OSBPL9: variants seen among roughly 807,000 people sequenced by gnomAD.
OSBPL9 encodes the protein oxysterol-binding protein-related protein 9.
A neutral mutation model predicts 106.6 loss-of-function variants in OSBPL9; 40 were observed. That is an observed-to-expected ratio of 0.38 (90% CI 0.29 to 0.49). The LOEUF (loss-of-function observed/expected upper bound fraction) is 0.49. Among genes scored for constraint, OSBPL9 ranks in the 20% least tolerant of loss-of-function variants. The pLI is 0.97. For missense variants in OSBPL9, 609 were observed against 887.2 expected, an observed-to-expected ratio of 0.69 and a Z score of 3.98; for synonymous variants, 269 against 295.4, an observed-to-expected ratio of 0.91 and a Z score of 0.92.
intron 4 of OSBPL9, among the ~76,000 whole-genome samples, chr1:51,739,636 G>A (rs1159988178): frequency 6.6e-6 from 1 of 151,960 alleles, no homozygotes; most frequent in Non-Finnish European, 1.5e-5. Flanking sequence ...TTTTTTAATT[G>A]ATGATCTTCA....
At chr1:51,770,351 C>G (rs547522671) in intron 12 of OSBPL9, among the ~76,000 whole-genome samples, 53 of 152,240 alleles carry the variant, frequency 3.5e-4, no homozygotes, top group African/African-American at 1.3e-3. Context: ...CCATGTTAAC[C>G]AGGCTGGTCT....
chr1:51,567,583 C>T, the OSBPL9 span: 1 of 152,220 alleles, frequency 6.6e-6, no homozygotes, highest in Non-Finnish European at 1.5e-5. Context: ...TTTGGATCAA[C>T]TGCTCCTTGA....
At chr1:51,543,824 T>C in the OSBPL9 span, among the ~76,000 whole-genome samples, 1 of 152,232 alleles carries the variant, frequency 6.6e-6, no homozygotes, top group Non-Finnish European at 1.5e-5. Context: ...GTTAGCTGCC[T>C]CAGCACTGTA....
At chr1:51,687,337 TAAC>T (rs1229644104) in intron 3 of OSBPL9, among the ~76,000 whole-genome samples, 1 of 152,212 alleles carries the variant, frequency 6.6e-6, no homozygotes, top group Non-Finnish European at 1.5e-5. Flanking sequence ...TTAATTCTTT[TAAC>T]AACCCAAAAG....
intron 4 of OSBPL9, among the ~76,000 whole-genome samples, chr1:51,736,139 G>A (rs1665644226): frequency 1.3e-5 from 2 of 152,118 alleles, no homozygotes; most frequent in Non-Finnish European, 2.9e-5. Flanking sequence ...CCAAACACTA[G>A]CCCGGTGGAG....
chr1:51,618,865 T>C (rs1309928916), intron 1 of OSBPL9, among the ~76,000 whole-genome samples: 2 of 152,216 alleles, frequency 1.3e-5, no homozygotes, highest in African/African-American at 4.8e-5. Context: ...ATTATTGACT[T>C]TTTCTACTAA....
the OSBPL9 span, among the ~76,000 whole-genome samples, chr1:51,529,627 A>G: frequency 6.6e-6 from 1 of 151,784 alleles, no homozygotes; most frequent in African/African-American, 2.4e-5. Flanking sequence ...GTTCAAACTA[A>G]CTCTATACAT....
rs555266377 is a variant in OSBPL9, at chr1:51,627,794, T to C, written c.111+10573T>C. 5.3e-5 allele frequency among the ~76,000 whole-genome samples: 8 copies of C among 152,334 alleles called. No homozygotes were observed. The South Asian group carries it at 1.7e-3, about 32-fold the overall frequency. ...ATTTGTGTATTGAAATGCCTGTCTC[T>C]GTTAGTCCATCTTGCATTTACTCGA... On this transcript the variant is annotated intron_variant, in intron 1 of 23. Coordinates refer to ENST00000428468, the MANE Select transcript of OSBPL9 (RefSeq NM_024586.6).
intron 4 of OSBPL9, among the ~76,000 whole-genome samples, chr1:51,723,838 G>A (rs771568596): frequency 8.6e-5 from 13 of 151,892 alleles, no homozygotes; most frequent in Admixed American, 2.0e-4. Flanking sequence ...TTATGTGGAT[G>A]TATGTTGTCA....
intron 4 of OSBPL9, among the ~76,000 whole-genome samples, chr1:51,716,896 TC>T (rs1661162296): frequency 6.6e-6 from 1 of 151,612 alleles, no homozygotes; most frequent in South Asian, 2.1e-4. Flanking sequence ...CTCACAAAAC[TC>T]CCCCCACCCA....
At chr1:51,710,439 T>C (rs1424029983) in intron 3 of OSBPL9, among the ~76,000 whole-genome samples, 9 of 152,170 alleles carry the variant, frequency 5.9e-5, no homozygotes, top group Non-Finnish European at 1.2e-4. Context: ...GTAGAGAATA[T>C]TTAGTTTTAG....
chr1:51,534,382 T>C, the OSBPL9 span, among the ~76,000 whole-genome samples: 1 of 152,310 alleles, frequency 6.6e-6, no homozygotes, highest in Admixed American at 6.5e-5. Flanking sequence ...GCAATGATAA[T>C]GTTGTTTCTT....
intron 3 of OSBPL9, among the ~76,000 whole-genome samples, chr1:51,675,688 A>G (rs1397948841): frequency 6.6e-6 from 1 of 152,190 alleles, no homozygotes; most frequent in Non-Finnish European, 1.5e-5. Context: ...TGTTTTTAAT[A>G]GGTGAAAAGT....
intron 1 of OSBPL9, among the ~76,000 whole-genome samples, chr1:51,647,963 T>TG (rs964373038): frequency 1.3e-5 from 2 of 152,118 alleles, no homozygotes; most frequent in African/African-American, 4.8e-5. Flanking sequence ...TCCCACTTCA[T>TG]GGGGGTAATC....
At chr1:51,784,053 C>T (rs1677022374) in intron 18 of OSBPL9, 28 bp downstream of exon 18, 1 of 1,556,272 alleles carries the variant, frequency 6.4e-7, no homozygotes. Flanking sequence ...GGGTGGACTA[C>T]AATGTTATAG....
chr1:51,711,311 A>G (rs998729152), intron 3 of OSBPL9, among the ~76,000 whole-genome samples: 1 of 146,718 alleles, frequency 6.8e-6, no homozygotes, highest in Non-Finnish European at 1.5e-5. Context: ...CACCTCCCGG[A>G]CGGGGCGGCT....
chr1:51,760,534 T>A (rs1394610194), intron 9 of OSBPL9, 156 bp from the exon 10 acceptor site: 3 of 1,029,092 alleles, frequency 2.9e-6, no homozygotes, highest in Non-Finnish European at 4.1e-6. Context: ...CTTACACTTC[T>A]GTATAGAAAA....
At chr1:51,767,962 T>G (rs1013718748) in intron 12 of OSBPL9, among the ~76,000 whole-genome samples, 3 of 141,586 alleles carry the variant, frequency 2.1e-5, no homozygotes, top group African/African-American at 8.2e-5. Flanking sequence ...TTTTTTTTTT[T>G]TGAGACACAG....
At chr1:51,604,916 T>G (rs1643931891) in intron 2 of OSBPL9, among the ~76,000 whole-genome samples, 2 of 151,990 alleles carry the variant, frequency 1.3e-5, no homozygotes, top group African/African-American at 4.8e-5. Context: ...CCTCCCAAAG[T>G]GCTGGGATTA....
Sources: gnomAD v4.1 joint callset for allele counts (sites outside exome capture counted in the v4.1 genomes callset) on GRCh38, gnomAD v4.1.1 for gene constraint, MANE v1.5 for transcripts, NCBI Gene and HGNC (gene_info 2026-07-23, HGNC 2026-07-21) for gene names.